CAST: variants seen among roughly 807,000 people sequenced by gnomAD.
The protein encoded by CAST is MIR583 host.
In CAST, 76 loss-of-function variants were observed where a neutral mutation model predicts 119.6. The observed-to-expected ratio is 0.64, with a 90% CI of 0.53 to 0.77. The LOEUF is 0.77. Among genes scored for constraint, CAST ranks in the 30% least tolerant of loss-of-function variants. The pLI, the probability that CAST is intolerant of heterozygous loss-of-function variation, is 0.00. For missense variants in CAST, 953 were observed against 946.5 expected, an observed-to-expected ratio of 1.01 and a Z score of -0.09; for synonymous variants, 319 against 331.6, an observed-to-expected ratio of 0.96 and a Z score of 0.41.
intron 1 of CAST, among the ~76,000 whole-genome samples, chr5:96,601,044 A>G (rs931841890): frequency 5.3e-5 from 8 of 151,864 alleles, no homozygotes; most frequent in Non-Finnish European, 1.0e-4. Flanking sequence ...TCTTTCTCTG[A>G]TGTGACTCCT....
upstream of CAST, among the ~76,000 whole-genome samples, chr5:96,524,557 G>A (rs959672538): frequency 3.3e-5 from 5 of 152,196 alleles, no homozygotes; most frequent in South Asian, 2.1e-4. Context: ...CATGTGTTAT[G>A]GCCCGGGAAG....
the CAST span, among the ~76,000 whole-genome samples, chr5:96,296,093 G>T: frequency 1.3e-5 from 2 of 152,104 alleles, no homozygotes; most frequent in Non-Finnish European, 1.5e-5. Flanking sequence ...CAAATGTTTT[G>T]TATAGTTTTT....
At position 96,645,557 on chromosome 5, in the gene CAST, G is replaced by A. The variant is rs155047; in HGVS notation, c.61-29982G>A. 9.8e-3 allele frequency among the ~76,000 whole-genome samples: 1,488 copies of A among 151,870 alleles called. 11 individuals are homozygous for A. The highest frequency in any genetic ancestry group is 0.034 in the Middle Eastern group (10 of 294). ...TTGACTGAGATTCTCTTTTCCTTTC[G>A]TCTTTAATACTTAACTTTAAATTTT... On this transcript the variant is annotated intron_variant, in intron 1 of 11. Transcript: ENST00000505143.
the CAST span, among the ~76,000 whole-genome samples, chr5:96,116,195 A>T: frequency 2.6e-5 from 4 of 152,158 alleles, no homozygotes; most frequent in Admixed American, 2.0e-4. Flanking sequence ...ATGGAATCAT[A>T]CAATATGATA....
chr5:96,396,112 A>G, the CAST span, among the ~76,000 whole-genome samples: 1 of 152,096 alleles, frequency 6.6e-6, no homozygotes, highest in African/African-American at 2.4e-5. Context: ...TTTTTGCTCT[A>G]TGAGAGAAGG....
the CAST span, chr5:96,432,860 T>C: frequency 6.2e-7 from 1 of 1,612,872 alleles, no homozygotes; most frequent in East Asian, 2.2e-5. Flanking sequence ...TGGAAACTCT[T>C]ACCTGACCCA....
chr5:96,136,541 T>G, the CAST span, among the ~76,000 whole-genome samples: 9 of 152,198 alleles, frequency 5.9e-5, no homozygotes, highest in Non-Finnish European at 1.3e-4. Context: ...ATATGCCTGC[T>G]GCTGTGGCAG....
At chr5:96,462,457 G>T in the CAST span, among the ~76,000 whole-genome samples, 1 of 151,924 alleles carries the variant, frequency 6.6e-6, no homozygotes, top group African/African-American at 2.4e-5. Context: ...TGTAAAATAG[G>T]CATATTAGTA....
chr5:96,487,021 G>A, the CAST span, among the ~76,000 whole-genome samples: 1 of 152,360 alleles, frequency 6.6e-6, no homozygotes, highest in Admixed American at 6.5e-5. Context: ...CCTTAACTGG[G>A]AGTAGACTCC....
upstream of CAST, among the ~76,000 whole-genome samples, chr5:96,525,646 G>A (rs1451216909): frequency 2.0e-5 from 3 of 151,956 alleles, no homozygotes; most frequent in African/African-American, 4.8e-5. Context: ...TTTTGCCAAC[G>A]AATTGTAATC....
the CAST span, among the ~76,000 whole-genome samples, chr5:96,209,084 T>C: frequency 2.0e-5 from 3 of 152,056 alleles, no homozygotes; most frequent in African/African-American, 4.8e-5. Context: ...AATGCCTTTG[T>C]CTCTTCTGAT....
chr5:96,070,861 T>A, the CAST span, among the ~76,000 whole-genome samples: 1 of 151,922 alleles, frequency 6.6e-6, no homozygotes, highest in African/African-American at 2.4e-5. Context: ...GAAGGGCAGG[T>A]GGAAGAGGAG....
the CAST span, among the ~76,000 whole-genome samples, chr5:96,361,961 T>C: frequency 6.6e-6 from 1 of 151,988 alleles, no homozygotes; most frequent in South Asian, 2.1e-4. Context: ...ATTAGGTATA[T>C]CTCCTAATGC....
the CAST span, chr5:96,422,078 C>T: frequency 1.4e-6 from 1 of 700,138 alleles, no homozygotes; most frequent in Non-Finnish European, 2.5e-6. Flanking sequence ...AGCTCAAAAG[C>T]CTGCATTTTA....
the CAST span, among the ~76,000 whole-genome samples, chr5:96,170,128 G>A: frequency 3.3e-5 from 5 of 152,176 alleles, no homozygotes; most frequent in African/African-American, 7.2e-5. Context: ...GGGGGCTTCC[G>A]AGGCAATCGG....
intron 20 of CAST, 124 bp from the exon 21 acceptor site, chr5:96,753,936 G>A (rs1379240212): frequency 1.6e-5 from 10 of 623,520 alleles, no homozygotes; most frequent in South Asian, 4.3e-5. Context: ...TTGATAACTC[G>A]AGTTATTAAA....
chr5:96,099,824 A>G, the CAST span, among the ~76,000 whole-genome samples: 1 of 152,178 alleles, frequency 6.6e-6, no homozygotes, highest in South Asian at 2.1e-4. Context: ...TGGTATCAGG[A>G]TGATAATGCT....
the CAST span, among the ~76,000 whole-genome samples, chr5:96,227,828 T>C: frequency 3.2e-4 from 49 of 152,284 alleles, no homozygotes; most frequent in Middle Eastern, 0.01. Context: ...GCAGTCACTT[T>C]CCCACACTCG....
At chr5:96,487,034 C>T in the CAST span, among the ~76,000 whole-genome samples, 3 of 152,194 alleles carry the variant, frequency 2.0e-5, no homozygotes, top group Non-Finnish European at 2.9e-5. Flanking sequence ...TAGACTCCTT[C>T]CCCCCATGGG....
Sources: gnomAD v4.1 joint callset for allele counts (sites outside exome capture counted in the v4.1 genomes callset) on GRCh38, gnomAD v4.1.1 for gene constraint, MANE v1.5 for transcripts, NCBI Gene and HGNC (gene_info 2026-07-23, HGNC 2026-07-21) for gene names.